CELA1: variants seen among roughly 807,000 people sequenced by gnomAD.
CELA1 encodes the protein chymotrypsin-like elastase family member 1.
A neutral mutation model predicts 34.8 loss-of-function variants in CELA1; 28 were observed. The ratio of observed to expected loss-of-function variants is 0.80; its 90% CI spans 0.60 to 1.10. CELA1 has a LOEUF of 1.10. Ranked by LOEUF, CELA1 falls within the 50% of genes least tolerant of loss-of-function variation. The pLI is 0.00. For synonymous variants in CELA1, 140 were observed against 129.8 expected (o/e 1.08, Z -0.53); for missense variants, 288 against 327.5 (o/e 0.88, Z 0.93).
intron 1 of CELA1, among the ~76,000 whole-genome samples, chr12:51,346,317 G>C (rs1282502949): frequency 6.6e-6 from 1 of 152,148 alleles, no homozygotes; most frequent in Non-Finnish European, 1.5e-5. Context: ...GTCAATGGGG[G>C]TGGTGGGGAA....
rs777624024 is a variant in CELA1, at chr12:51,341,267, ATGTAGCAGGGAC to A, written c.428_439del (p.Ser143_Tyr146del). 3.1e-6 allele frequency: 5 copies of A among 1,614,132 alleles called. No homozygotes were observed. The South Asian group carries it at 5.5e-5, about 18-fold the overall frequency. ...ACTCTTGGTCTTGCCCCAGCCTGTG[ATGTAGCAGGGAC>A]TGTTGTTAGCCAGGATGGCTCCCTC... On this transcript the variant is annotated inframe_deletion, in exon 5 of 8. Coordinates refer to ENST00000293636, the MANE Select transcript of CELA1 (RefSeq NM_001971.6).
Position 51,341,236 on chromosome 12 carries a change from C to G in CELA1, c.463+8G>C. On this transcript the variant is annotated splice_region_variant and intron_variant, in intron 5 of 7. Transcript: ENST00000293636. The stretch of plus-strand genomic sequence containing the variant: ...CCGTGGTGGATTGTGCCAATGTAGG[C>G]AACTTACTCTTGGTCTTGCCCCAGC... The G allele has an allele frequency of 6.2e-7, 1 of 1,613,958 alleles. No individual in the cohort carries two copies. The highest frequency in any genetic ancestry group is 8.5e-7 in the Non-Finnish European group (1 of 1,179,970).
At position 51,329,415 on chromosome 12, in the gene CELA1, C is replaced by G. The variant is rs562596203; in HGVS notation, c.759+269G>C. ...GACTTAGGAAGGCACTGATATGTCC[C>G]TGATTCAGATTTGATGTTGCCACTG... is the stretch of plus-strand genomic sequence containing the variant. On this transcript the variant is annotated intron_variant, in intron 7 of 7. Coordinates refer to ENST00000293636, the MANE Select transcript of CELA1 (RefSeq NM_001971.6). Among the ~76,000 whole-genome samples the G allele has an allele frequency of 3.3e-5, 5 of 152,194 alleles. No individual in the cohort carries two copies. In the South Asian group the frequency reaches 1.0e-3, roughly 32 times the overall value.
In CELA1 at chr12:51,343,803, C is replaced by G; in HGVS notation, c.150G>C (p.Gly50=). 1 of 1,611,470 alleles carries G rather than the reference C, an allele frequency of 6.2e-7. No homozygotes were observed. The part of the protein sequence containing the change: ...SGGSRYHTCG[G]TLIRQNWVMT... ...TCACCCAGTTCTGTCTGATAAGGGTCCCTCCACAGGTGTGATACCGGGAAC... is the reference window on the plus strand; with the variant it reads ...TCACCCAGTTCTGTCTGATAAGGGTGCCTCCACAGGTGTGATACCGGGAAC... Residue 50 remains glycine, a synonymous_variant, in exon 3 of 8, where the codon GGG becomes GGC. Coordinates refer to ENST00000293636, the MANE Select transcript of CELA1 (RefSeq NM_001971.6).
At chr12:51,338,169 C>G (rs1299638964) in intron 6 of CELA1, among the ~76,000 whole-genome samples, 1 of 149,640 alleles carries the variant, frequency 6.7e-6, no homozygotes, top group Non-Finnish European at 1.5e-5. Context: ...ACCCGGGAGG[C>G]AGAGGTTTCA....
chr12:51,345,678 C>A (rs1946561302), intron 2 of CELA1, 117 bp downstream of exon 2: 1 of 814,360 alleles, frequency 1.2e-6, no homozygotes, highest in East Asian at 2.7e-5. Context: ...AAATCGAGAA[C>A]CTAGACAATT....
At chr12:51,340,061 C>G in intron 5 of CELA1, 56 bp from the exon 6 acceptor site, 4 of 1,513,902 alleles carry the variant, frequency 2.6e-6, no homozygotes, top group Non-Finnish European at 3.6e-6. Flanking sequence ...AGCAGAAAAA[C>G]CTTCCACCCC....
intron 6 of CELA1, among the ~76,000 whole-genome samples, chr12:51,334,437 C>CA (rs1946489586): frequency 6.7e-6 from 1 of 149,448 alleles, no homozygotes; most frequent in African/African-American, 2.5e-5. Flanking sequence ...CTTTTTAATC[C>CA]TTTTTTTTTT....
intron 3 of CELA1, among the ~76,000 whole-genome samples, chr12:51,343,238 C>T (rs970286900): frequency 6.6e-6 from 1 of 151,982 alleles, no homozygotes; most frequent in Non-Finnish European, 1.5e-5. Context: ...GTTCCTGGGC[C>T]GCAGCATGAG....
At chr12:51,337,117 A>G (rs887540274) in intron 6 of CELA1, among the ~76,000 whole-genome samples, 1 of 152,134 alleles carries the variant, frequency 6.6e-6, no homozygotes, top group African/African-American at 2.4e-5. Flanking sequence ...ATTTCCTAGT[A>G]TGGTGGTAGC....
chr12:51,345,912 A>T, intron 1 of CELA1, 35 bp from the exon 2 acceptor site: 4 of 1,454,292 alleles, frequency 2.8e-6, no homozygotes, highest in Admixed American at 2.0e-5. Context: ...GTGATGACTA[A>T]GCATGGGGTC....
Position 51,343,836 on chromosome 12 carries a change from C to G in CELA1, c.117G>C (p.Arg39=). ...SWPSQISLQY[R]SGGSRYHTCG... ...AGGTGTGATACCGGGAACCTCCAGA[C>G]CGGTACTGGAGGGAAATCTAGATGG... Residue 39 remains arginine (R), a synonymous_variant, in exon 3 of 8, where the codon CGG becomes CGC. Transcript: ENST00000293636. The G allele has an allele frequency of 6.3e-7, 1 of 1,597,554 alleles. No homozygotes were observed. Among genetic ancestry groups the G allele is most frequent in the East Asian group, 2.2e-5 (1 of 44,758 alleles).
intron 6 of CELA1, 62 bp downstream of exon 6, chr12:51,339,798 A>C (rs752091639): frequency 5.1e-5 from 79 of 1,542,762 alleles, no homozygotes; most frequent in Middle Eastern, 2.1e-4. Flanking sequence ...GGTGAGGAAG[A>C]GGGGTGGAGG....
Position 51,346,612 on chromosome 12 carries a change from T to A in CELA1, c.16+11A>T. The A allele has an allele frequency of 1.7e-6, 1 of 575,552 alleles. No individual in the cohort carries two copies. The highest frequency in any genetic ancestry group is 2.4e-6 in the Non-Finnish European group (1 of 417,800). The allele number at this position is 575,552 out of a possible 1,614,324, so 35.7% of individuals were successfully genotyped here. On this transcript the variant is annotated intron_variant, in intron 1 of 7. Coordinates refer to ENST00000293636, the MANE Select transcript of CELA1 (RefSeq NM_001971.6). ...AAGGACCAGGGTTGCGACTGGACCATATCCACTTACCATAAAGGACCAGCA... is the reference window on the plus strand; with the variant it reads ...AAGGACCAGGGTTGCGACTGGACCAAATCCACTTACCATAAAGGACCAGCA...
At position 51,343,738 on chromosome 12, in the gene CELA1, CTTTG is replaced by C; in HGVS notation, c.200+11_200+14del. ...CTTCCAGGGGCCCAGGAAAGCTTGTCTTTGTTTTTCTTACTAATCCACGCAGTGA... is the reference window on the plus strand; with the variant it reads ...CTTCCAGGGGCCCAGGAAAGCTTGTCTTTTTCTTACTAATCCACGCAGTGA... On this transcript the variant is annotated intron_variant, in intron 3 of 7. Coordinates refer to ENST00000293636, the MANE Select transcript of CELA1 (RefSeq NM_001971.6). 2 of 1,503,328 alleles carry C rather than the reference CTTTG, an allele frequency of 1.3e-6. No homozygotes were observed. The highest frequency in any genetic ancestry group is 1.1e-5 in the South Asian group (1 of 88,488). 93.1% of individuals were successfully genotyped at this position (1,503,328 alleles called of 1,614,324 possible).
At chr12:51,346,336 A>G (rs979413991) in intron 1 of CELA1, among the ~76,000 whole-genome samples, 2 of 151,836 alleles carry the variant, frequency 1.3e-5, no homozygotes, top group Non-Finnish European at 2.9e-5. Flanking sequence ...AAGCCCAGGG[A>G]CCCACCCCAC....
Position 51,339,948 on chromosome 12 carries a change from G to C in CELA1, c.521C>G (p.Ala174Gly), listed in dbSNP as rs564019429. The change falls in exon 6 of 8, where the codon GCC becomes GGC. Residue 174 changes from alanine to glycine, a missense_variant. Transcript: ENST00000293636. ...CCAGTAGGAGGAGCTGGAGCAGATG[G>C]CGTAGTCCACAGAGGGCAGGTAAGC... ...QQAYLPSVDY[A>G]ICSSSSYWGS... 1 of 1,614,140 alleles carries C rather than the reference G, an allele frequency of 6.2e-7. No individual in the cohort carries two copies. Among genetic ancestry groups the C allele is most frequent in the South Asian group, 1.1e-5 (1 of 91,064 alleles).
chr12:51,339,825 C>A, intron 6 of CELA1, 35 bp downstream of exon 6: 1 of 1,583,952 alleles, frequency 6.3e-7, no homozygotes, highest in South Asian at 1.2e-5. Context: ...CAGAGAGTGG[C>A]GGGACCTGGG....
In CELA1 at chr12:51,346,194, AC is replaced by A. The variant is rs1186931785; in HGVS notation, c.17-318del. 4.4e-3 allele frequency among the ~76,000 whole-genome samples: 553 copies of A among 125,874 alleles called. 19 individuals carry two copies. Among genetic ancestry groups the A allele is most frequent in the Admixed American group, 0.035 (443 of 12,562 alleles). 82.6% of individuals were successfully genotyped at this position (125,874 alleles called of 152,430 possible). On this transcript the variant is annotated intron_variant, in intron 1 of 7. Transcript: ENST00000293636. ...CAAGATCACCCTTTGGCCTGAAGAG[AC>A]CCCCCCCCACTCTTTGACCCCCACC...
Sources: allele counts gnomAD v4.1 joint callset (sites outside exome capture counted in the v4.1 genomes callset), GRCh38; gene constraint gnomAD v4.1.1; transcripts MANE v1.5; gene names NCBI Gene and HGNC (gene_info 2026-07-23, HGNC 2026-07-21).